SLC22A3: variants seen among roughly 807,000 people sequenced by gnomAD.
SLC22A3 encodes EMT organic cation transporter 3.
SLC22A3 carries 51 observed loss-of-function variants against 59.1 expected under a neutral mutation model. The ratio of observed to expected loss-of-function variants is 0.86; its 90% CI spans 0.69 to 1.09. SLC22A3 has a LOEUF of 1.09. Ranked by LOEUF, SLC22A3 falls within the 50% of genes least tolerant of loss-of-function variation. The pLI is 0.00. For synonymous variants in SLC22A3, 325 were observed against 292.0 expected, an observed-to-expected ratio of 1.11 and a Z score of -1.15; for missense variants, 711 against 726.3, an observed-to-expected ratio of 0.98 and a Z score of 0.24.
chr6:160,393,246 G>A (rs1786333140), intron 1 of SLC22A3, among the ~76,000 whole-genome samples: 1 of 151,514 alleles, frequency 6.6e-6, no homozygotes, highest in Admixed American at 6.6e-5. Context: ...AGCAAATGAG[G>A]CCCCTCTCCT....
At chr6:160,368,494 T>C (rs1434232195) in intron 1 of SLC22A3, among the ~76,000 whole-genome samples, 1 of 152,188 alleles carries the variant, frequency 6.6e-6, no homozygotes, top group Admixed American at 6.5e-5. Context: ...CGCTTAAACC[T>C]GCTTAAGTTC....
intron 1 of SLC22A3, among the ~76,000 whole-genome samples, chr6:160,360,501 T>C (rs773296200): frequency 1.3e-5 from 2 of 152,228 alleles, no homozygotes; most frequent in African/African-American, 2.4e-5. Context: ...TGAATTAGTC[T>C]ATATTGATCT....
intron 1 of SLC22A3, among the ~76,000 whole-genome samples, chr6:160,396,324 T>G (rs1316680982): frequency 2.6e-5 from 4 of 152,216 alleles, no homozygotes; most frequent in African/African-American, 9.6e-5. Context: ...GACTGATGAC[T>G]TAATTAAACA....
At chr6:160,431,226 T>C (rs1788139784) in intron 5 of SLC22A3, among the ~76,000 whole-genome samples, 1 of 152,208 alleles carries the variant, frequency 6.6e-6, no homozygotes, top group African/African-American at 2.4e-5. Flanking sequence ...TAGTAACCCT[T>C]TGGCAACAGA....
chr6:160,356,143 C>T (rs562605587), intron 1 of SLC22A3, among the ~76,000 whole-genome samples: 4 of 152,356 alleles, frequency 2.6e-5, no homozygotes, highest in East Asian at 1.9e-4. Context: ...GGCCCTCTAC[C>T]GATGGTGTTG....
intron 5 of SLC22A3, among the ~76,000 whole-genome samples, chr6:160,414,647 T>C (rs1298451634): frequency 1.3e-5 from 2 of 152,118 alleles, no homozygotes; most frequent in East Asian, 3.9e-4. Flanking sequence ...CAAACACGTG[T>C]TTCCTCACAT....
intron 1 of SLC22A3, among the ~76,000 whole-genome samples, chr6:160,368,710 C>T (rs1255953943): frequency 6.6e-6 from 1 of 152,180 alleles, no homozygotes; most frequent in African/African-American, 2.4e-5. Context: ...GTTCACTCAC[C>T]TCCTCACCCC....
rs1371730121 is a variant in SLC22A3, at chr6:160,451,952, CA to C, written c.*900del. The C allele has an allele frequency of 6.6e-6, 1 of 152,114 alleles. No homozygotes were observed. Among genetic ancestry groups the C allele is most frequent in the African/African-American group, 2.4e-5 (1 of 41,428 alleles). 9.4% of individuals were successfully genotyped at this position (152,114 alleles called of 1,614,324 possible). On this transcript the variant is annotated 3_prime_UTR_variant, in exon 11 of 11. Transcript: ENST00000275300. ...GTTCAGTTCCGATGGTGCCCGTGGTCAAAAGCGAAAAACATGGACAATTCCT... is the reference window on the plus strand; with the variant it reads ...GTTCAGTTCCGATGGTGCCCGTGGTCAAAGCGAAAAACATGGACAATTCCT...
intron 5 of SLC22A3, among the ~76,000 whole-genome samples, chr6:160,433,536 ACTACTACTACTACTG>A (rs963157922): frequency 6.6e-6 from 1 of 151,080 alleles, no homozygotes; most frequent in African/African-American, 2.4e-5. Context: ...TACTACTACT[ACTACTACTACTACTG>A]CTACTAATAA....
At chr6:160,367,228 A>C (rs1042731365) in intron 1 of SLC22A3, among the ~76,000 whole-genome samples, 1 of 152,190 alleles carries the variant, frequency 6.6e-6, no homozygotes, top group Non-Finnish European at 1.5e-5. Flanking sequence ...CATGTCCTTC[A>C]TCACATGGTG....
chr6:160,438,805 A>C lies in SLC22A3; in HGVS notation c.1288+1594A>C, dbSNP rs1788442700. Among the ~76,000 whole-genome samples, 10 of 152,260 alleles carry C rather than the reference A, an allele frequency of 6.6e-5. No homozygotes were observed. In the South Asian group the frequency reaches 2.1e-3, roughly 32 times the overall value. On this transcript the variant is annotated intron_variant, in intron 7 of 10. Transcript: ENST00000275300. ...AGGGGTGTGGAGGCTGGGAGTCTAGAATCAAGGCATCCAAGGGTGCTTATG... is the reference window on the plus strand; with the variant it reads ...AGGGGTGTGGAGGCTGGGAGTCTAGCATCAAGGCATCCAAGGGTGCTTATG...
At chr6:160,355,829 C>T (rs938875483) in intron 1 of SLC22A3, among the ~76,000 whole-genome samples, 3 of 152,056 alleles carry the variant, frequency 2.0e-5, no homozygotes, top group African/African-American at 4.8e-5. Flanking sequence ...GAGGCTGTTC[C>T]GTTTTGTACC....
At chr6:160,438,298 G>A (rs1381058832) in intron 7 of SLC22A3, among the ~76,000 whole-genome samples, 1 of 152,134 alleles carries the variant, frequency 6.6e-6, no homozygotes, top group Non-Finnish European at 1.5e-5. Flanking sequence ...CATCCCAGGG[G>A]ATGTGTGAAG....
intron 5 of SLC22A3, among the ~76,000 whole-genome samples, chr6:160,432,548 C>T (rs1260496380): frequency 4.0e-5 from 6 of 150,268 alleles, no homozygotes; most frequent in African/African-American, 1.5e-4. Flanking sequence ...CTGCCTCAGC[C>T]TCCCGAGTAG....
intron 5 of SLC22A3, among the ~76,000 whole-genome samples, chr6:160,420,080 T>C (rs942199235): frequency 4.6e-5 from 7 of 152,144 alleles, no homozygotes; most frequent in African/African-American, 1.7e-4. Flanking sequence ...CAACTTCCTT[T>C]CTCAAGCATG....
At chr6:160,386,170 G>T (rs1365390854) in intron 1 of SLC22A3, among the ~76,000 whole-genome samples, 1 of 152,168 alleles carries the variant, frequency 6.6e-6, no homozygotes, top group African/African-American at 2.4e-5. Flanking sequence ...AGCCTCTTGG[G>T]GTCTTGCTGC....
rs909826911 is a variant in SLC22A3 at position 160,451,290 on chromosome 6, G to A, written c.*234G>A. 5.9e-5 allele frequency: 30 copies of A among 508,044 alleles called. No individual in the cohort carries two copies. Among genetic ancestry groups the A allele is most frequent in the Non-Finnish European group, 1.0e-4 (28 of 281,308 alleles). 31.5% of individuals were successfully genotyped at this position (508,044 alleles called of 1,614,324 possible). A position where few individuals can be genotyped will look rare whatever the true frequency, so the allele number is the denominator to read the frequency against. On this transcript the variant is annotated 3_prime_UTR_variant, in exon 11 of 11. Transcript: ENST00000275300. Reference sequence around the variant, plus strand: ...AATATGTAGCCAGTTTAACAAAGAAGCTGTCAGGTGCACAGCCCTTCCTGG... The same window carrying A: ...AATATGTAGCCAGTTTAACAAAGAAACTGTCAGGTGCACAGCCCTTCCTGG...
intron 1 of SLC22A3, among the ~76,000 whole-genome samples, chr6:160,363,837 CTG>C (rs1785109107): frequency 1.3e-5 from 2 of 151,918 alleles, no homozygotes; most frequent in Admixed American, 6.6e-5. Flanking sequence ...TCCTTGATGA[CTG>C]TTCAGCATGC....
intron 10 of SLC22A3, among the ~76,000 whole-genome samples, chr6:160,450,052 A>G (rs1436726232): frequency 6.6e-6 from 1 of 152,212 alleles, no homozygotes; most frequent in African/African-American, 2.4e-5. Context: ...TATTGTCTTG[A>G]TAAACATCTT....
Sources: allele counts gnomAD v4.1 joint callset (sites outside exome capture counted in the v4.1 genomes callset), GRCh38; gene constraint gnomAD v4.1.1; transcripts MANE v1.5; gene names NCBI Gene and HGNC (gene_info 2026-07-23, HGNC 2026-07-21).